Variants in PCDH15 observed in about 807,000 individuals in gnomAD.
The protein encoded by PCDH15 is protocadherin-15.
A neutral mutation model predicts 178.5 loss-of-function variants in PCDH15; 129 were observed. That is an observed-to-expected ratio of 0.72 (90% CI 0.63 to 0.84). The LOEUF is 0.84. Ranked by LOEUF, PCDH15 falls within the 40% of genes least tolerant of loss-of-function variation. The pLI, the probability that PCDH15 is intolerant of heterozygous loss-of-function variation, is 0.00. For missense variants in PCDH15, 2,230 were observed against 2,099.9 expected (o/e 1.06, Z -1.21); for synonymous variants, 800 against 732.0 (o/e 1.09, Z -1.50).
chr10:55,128,847 T>G (rs566020622), intron 2 of PCDH15, among the ~76,000 whole-genome samples: 1 of 152,228 alleles, frequency 6.6e-6, no homozygotes, highest in African/African-American at 2.4e-5. Flanking sequence ...TTTGAAGTAT[T>G]TGAGGCTTAA....
intron 2 of PCDH15, among the ~76,000 whole-genome samples, chr10:55,471,123 T>A (rs921282241): frequency 3.9e-5 from 6 of 152,176 alleles, no homozygotes; most frequent in South Asian, 2.1e-4. Context: ...TGCTTAAACA[T>A]CTGTACTGAT....
rs367861463 is a variant in PCDH15 at position 54,029,703 on chromosome 10, T to C, written c.2221-6506A>G. ...GTATAATTTTTGAGAAGCGATTTTA[T>C]AGCATGCCACTTGAAAAGGGAAAAG... On this transcript the variant is annotated intron_variant, in intron 18 of 37. Coordinates refer to ENST00000644397, the MANE Select transcript of PCDH15 (RefSeq NM_001384140.1). Among the ~76,000 whole-genome samples the C allele has an allele frequency of 5.3e-5, 8 of 152,308 alleles. No individual in the cohort carries two copies. In the East Asian group the frequency reaches 7.7e-4, roughly 15 times the overall value.
chr10:54,117,690 C>T (rs377608406), intron 15 of PCDH15, among the ~76,000 whole-genome samples: 1 of 151,574 alleles, frequency 6.6e-6, no homozygotes, highest in African/African-American at 2.4e-5. Flanking sequence ...TTTCCTCAGG[C>T]AGGTAGTCCC....
intron 1 of PCDH15, among the ~76,000 whole-genome samples, chr10:54,716,499 G>GCTATTTTATT (rs2095481325): frequency 2.0e-5 from 3 of 152,196 alleles, no homozygotes; most frequent in Non-Finnish European, 4.4e-5. Flanking sequence ...TGGATTCCTA[G>GCTATTTTATT]CTATTTTATT....
At chr10:54,823,761 G>C (rs1953084522) in intron 3 of PCDH15, among the ~76,000 whole-genome samples, 1 of 151,910 alleles carries the variant, frequency 6.6e-6, no homozygotes, top group African/African-American at 2.4e-5. Context: ...ACTCCAGCAT[G>C]TAATTTTAAA....
chr10:55,192,607 T>A (rs1839973070), intron 1 of PCDH15, among the ~76,000 whole-genome samples: 1 of 151,786 alleles, frequency 6.6e-6, no homozygotes, highest in East Asian at 1.9e-4. Context: ...AGCAAATAAT[T>A]AATCTTGATA....
rs1418059863 is a variant in PCDH15, at chr10:53,893,793, G to A, written c.3501+9450C>T. 2.0e-5 allele frequency among the ~76,000 whole-genome samples: 3 copies of A among 152,246 alleles called. No individual in the cohort carries two copies. The East Asian group carries it at 5.8e-4, about 29-fold the overall frequency. On this transcript the variant is annotated intron_variant, in intron 26 of 37. Coordinates refer to ENST00000644397, the MANE Select transcript of PCDH15 (RefSeq NM_001384140.1). Reference sequence around the variant, plus strand: ...AATACAATGAATTTTGGGGACTCGGGGGACAGAGTGGGAGGAAGGTGAGGG... The same window carrying A: ...AATACAATGAATTTTGGGGACTCGGAGGACAGAGTGGGAGGAAGGTGAGGG...
At chr10:54,374,325 A>C (rs1454903010) in intron 4 of PCDH15, among the ~76,000 whole-genome samples, 1 of 152,112 alleles carries the variant, frequency 6.6e-6, no homozygotes, top group Non-Finnish European at 1.5e-5. Context: ...GAAAGAAAAG[A>C]AGCTAAGATA....
intron 3 of PCDH15, among the ~76,000 whole-genome samples, chr10:54,511,838 T>C (rs2081697659): frequency 6.6e-6 from 1 of 152,200 alleles, no homozygotes; most frequent in Admixed American, 6.6e-5. Flanking sequence ...CAAAATGTTT[T>C]GAAATTTTGG....
upstream of PCDH15, among the ~76,000 whole-genome samples, chr10:54,802,441 C>G (rs1591708889): frequency 6.6e-6 from 1 of 152,148 alleles, no homozygotes; most frequent in East Asian, 1.9e-4. Flanking sequence ...CCCCTTGAGC[C>G]TCAAGTGGAA....
At chr10:55,183,663 C>T (rs1839713804) in intron 1 of PCDH15, among the ~76,000 whole-genome samples, 1 of 103,506 alleles carries the variant, frequency 9.7e-6, no homozygotes, top group South Asian at 4.0e-4. Context: ...GCGGGGGTAA[C>T]AACATTAAAA....
chr10:54,023,201 T>C lies in PCDH15; in HGVS notation c.2221-4A>G, dbSNP rs777638477. 3.7e-6 allele frequency: 6 copies of C among 1,612,220 alleles called. No individual in the cohort carries two copies. The stretch of plus-strand genomic sequence containing the variant: ...TTCCAGCATCAGGGTCTGTTGCCTA[T>C]TAAATAAAACAAAAAAACAAAAAAA... On this transcript the variant is annotated splice_polypyrimidine_tract_variant and splice_region_variant and intron_variant, in intron 18 of 37. Transcript: ENST00000644397.
At chr10:54,176,034 G>A (rs562388969) in intron 13 of PCDH15, among the ~76,000 whole-genome samples, 1 of 152,272 alleles carries the variant, frequency 6.6e-6, no homozygotes, top group South Asian at 2.1e-4. Flanking sequence ...TGAAGTTAGA[G>A]ATCATCTCGG....
At chr10:54,258,189 C>CA (rs1267817281) in intron 8 of PCDH15, among the ~76,000 whole-genome samples, 2 of 151,956 alleles carry the variant, frequency 1.3e-5, no homozygotes, top group East Asian at 3.9e-4. Flanking sequence ...CCTGTATAGC[C>CA]AAAGGGAAGC....
intron 2 of PCDH15, among the ~76,000 whole-genome samples, chr10:54,594,428 T>C (rs79452475): frequency 0.013 from 1,928 of 152,230 alleles, 43 homozygotes; most frequent in African/African-American, 0.044. Flanking sequence ...GTGTGCTGTC[T>C]TCTCTTTGGG....
intron 23 of PCDH15, among the ~76,000 whole-genome samples, chr10:53,954,483 C>T (rs1422682639): frequency 3.3e-5 from 5 of 152,114 alleles, no homozygotes; most frequent in African/African-American, 9.7e-5. Context: ...ATAGTAAATG[C>T]GAACTCTGAA....
intron 25 of PCDH15, among the ~76,000 whole-genome samples, chr10:53,920,522 T>C (rs1314414633): frequency 6.6e-6 from 1 of 152,076 alleles, no homozygotes; most frequent in African/African-American, 2.4e-5. Context: ...TTATTTTTAT[T>C]GTATATAATG....
intron 2 of PCDH15, among the ~76,000 whole-genome samples, chr10:55,600,311 C>A (rs962217008): frequency 6.6e-6 from 1 of 150,994 alleles, no homozygotes; most frequent in African/African-American, 2.4e-5. Flanking sequence ...TTGCAGTGAG[C>A]GGAGATGGTG....
intron 1 of PCDH15, among the ~76,000 whole-genome samples, chr10:55,175,667 AAAAAAAAAAAAGAAAAAG>A (rs1424124489): frequency 6.7e-6 from 1 of 149,700 alleles, no homozygotes; most frequent in African/African-American, 2.4e-5. Context: ...CTGTCTCAAA[AAAAAAAAAAAAGAAAAAG>A]AAAAAAAAAG....
Sources: gnomAD v4.1 joint callset for allele counts (sites outside exome capture counted in the v4.1 genomes callset) on GRCh38, gnomAD v4.1.1 for gene constraint, MANE v1.5 for transcripts, NCBI Gene and HGNC (gene_info 2026-07-23, HGNC 2026-07-21) for gene names.